Variants in CARD8 observed in about 807,000 individuals in gnomAD.
CARD8 encodes caspase recruitment domain family member 8, also known as caspase recruitment domain-containing protein 8.
In CARD8, 38 loss-of-function variants were observed where a neutral mutation model predicts 53.2. The ratio of observed to expected loss-of-function variants is 0.71; its 90% CI spans 0.55 to 0.94. CARD8 has a LOEUF of 0.94. Among genes scored for constraint, CARD8 ranks in the 40% least tolerant of loss-of-function variants. The pLI is 0.00. For synonymous variants in CARD8, 245 were observed against 244.9 expected, an observed-to-expected ratio of 1.00 and a Z score of 0.00; for missense variants, 561 against 655.5, an observed-to-expected ratio of 0.86 and a Z score of 1.57.
chr19:48,250,459 C>G (rs1007442457), intron 1 of CARD8, among the ~76,000 whole-genome samples: 3 of 152,228 alleles, frequency 2.0e-5, no homozygotes, highest in African/African-American at 4.8e-5. Context: ...AAGACCCCCC[C>G]TCTTCATGGC....
chr19:48,224,313 CT>C (rs2041301095), intron 10 of CARD8, among the ~76,000 whole-genome samples: 1 of 152,102 alleles, frequency 6.6e-6, no homozygotes, highest in African/African-American at 2.4e-5. Flanking sequence ...GATGAAATGG[CT>C]TTTAGTAATG....
At chr19:48,220,772 G>A (rs1266175591) in intron 11 of CARD8, among the ~76,000 whole-genome samples, 2 of 152,000 alleles carry the variant, frequency 1.3e-5, no homozygotes, top group Admixed American at 6.6e-5. Context: ...TCAGCCGGGA[G>A]TGGTGGTGCA....
intron 10 of CARD8, among the ~76,000 whole-genome samples, chr19:48,227,550 A>T (rs1298819615): frequency 6.6e-6 from 1 of 152,088 alleles, no homozygotes; most frequent in Non-Finnish European, 1.5e-5. Flanking sequence ...CATGCTTGTA[A>T]TCCCAACACT....
At chr19:48,220,007 T>G (rs1295511718) in intron 11 of CARD8, among the ~76,000 whole-genome samples, 1 of 152,170 alleles carries the variant, frequency 6.6e-6, no homozygotes, top group Non-Finnish European at 1.5e-5. Context: ...AATTGCCACT[T>G]CTTATCTCAC....
intron 11 of CARD8, among the ~76,000 whole-genome samples, chr19:48,220,970 G>GAAGGAAGGAAGA (rs2040430700): frequency 1.1e-5 from 1 of 89,418 alleles, no homozygotes; most frequent in African/African-American, 4.4e-5. Flanking sequence ...AGGAAGGAAG[G>GAAGGAAGGAAGA]AAGGAAGGAA....
intron 10 of CARD8, among the ~76,000 whole-genome samples, chr19:48,228,637 T>A (rs958414006): frequency 1.3e-5 from 2 of 151,532 alleles, no homozygotes; most frequent in Admixed American, 1.3e-4. Context: ...AAGGGAAAAA[T>A]TGGAAGTATG....
Position 48,230,647 on chromosome 19 carries a change from T to C in CARD8, c.826A>G (p.Met276Val). ...ACCCGGGCTGGATGCTCCAGGACCA[T>C]CCCTTCATTCTTAAAATGGGCAACG... is the stretch of plus-strand genomic sequence containing the variant. ...FLVAHFKNEG[M>V]VLEHPARVEP... The change falls in exon 10 of 14, where the codon ATG (methionine) becomes GTG (valine). Residue 276 changes from methionine to valine, a missense_variant. Transcript: ENST00000651546. The C allele has an allele frequency of 6.2e-7, 1 of 1,613,960 alleles. No individual in the cohort carries two copies. The highest frequency in any genetic ancestry group is 8.5e-7 in the Non-Finnish European group (1 of 1,179,970).
downstream of CARD8, among the ~76,000 whole-genome samples, chr19:48,207,734 G>GGTTTTTTTTTTT (rs1555790115): frequency 8.6e-6 from 1 of 116,552 alleles, no homozygotes; most frequent in African/African-American, 3.7e-5. Context: ...TTGTTTTTCT[G>GGTTTTTTTTTTT]TTTTTTTTTT....
At chr19:48,233,465 C>G (rs1430096476) in intron 6 of CARD8, 2 of 454,408 alleles carry the variant, frequency 4.4e-6, no homozygotes, top group Non-Finnish European at 8.8e-6. Flanking sequence ...ATTCTGTGGG[C>G]AAGCCAAGCA....
downstream of CARD8, chr19:48,203,911 G>A (rs3745715): frequency 0.32 from 89,702 of 279,742 alleles, 15,033 homozygotes; most frequent in East Asian, 0.51. Context: ...ACAACTCCCA[G>A]CCGGCTGAGC....
At chr19:48,219,059 G>A (rs1334997767) in intron 11 of CARD8, 47 bp from the exon 12 acceptor site, 1 of 1,596,602 alleles carries the variant, frequency 6.3e-7, no homozygotes. Context: ...GGGTGGAAAG[G>A]CCCGGCTCCC....
intron 6 of CARD8, chr19:48,234,197 T>C (rs1428555160): frequency 1.3e-5 from 7 of 534,472 alleles, no homozygotes; most frequent in Non-Finnish European, 2.3e-5. Context: ...TTTTTGTGTA[T>C]AGGTTCTCTA....
intron 1 of CARD8, among the ~76,000 whole-genome samples, chr19:48,252,808 T>TATACACACACACACAC (rs113740488): frequency 6.7e-6 from 1 of 148,182 alleles, no homozygotes; most frequent in Non-Finnish European, 1.5e-5. Context: ...TATCAGTATA[T>TATACACACACACACAC]ACACACACAC....
chr19:48,213,938 C>CA (rs1184170326), intron 13 of CARD8, among the ~76,000 whole-genome samples: 1 of 152,182 alleles, frequency 6.6e-6, no homozygotes, highest in Non-Finnish European at 1.5e-5. Flanking sequence ...TTTCAACTGC[C>CA]AGCTCTTGAC....
At chr19:48,223,774 A>G in intron 10 of CARD8, 1 of 452,538 alleles carries the variant, frequency 2.2e-6, no homozygotes. Context: ...TCATATGCAC[A>G]TATATTTTTC....
chr19:48,249,066 G>A (rs566431941), intron 3 of CARD8, among the ~76,000 whole-genome samples: 1 of 151,934 alleles, frequency 6.6e-6, no homozygotes, highest in Non-Finnish European at 1.5e-5. Context: ...GCGTGGTGGC[G>A]GGCGCCTGTC....
At chr19:48,220,906 A>G (rs2040376991) in intron 11 of CARD8, among the ~76,000 whole-genome samples, 1 of 148,586 alleles carries the variant, frequency 6.7e-6, no homozygotes, top group African/African-American at 2.5e-5. Context: ...GCGAGACTCC[A>G]TCAAAAAAGA....
At chr19:48,231,048 G>A (rs1236425241) in intron 8 of CARD8, 42 bp from the exon 9 acceptor site, 1 of 1,532,656 alleles carries the variant, frequency 6.5e-7, no homozygotes, top group Non-Finnish European at 9.0e-7. Flanking sequence ...AGAACCCCAG[G>A]ACTTGGATTT....
At position 48,208,171 on chromosome 19, in the gene CARD8, G is replaced by T. The variant is rs748851333; in HGVS notation, c.*3539C>A. Reference sequence around the variant, plus strand: ...TACATTCTTCAAATGTAACAATTTAGTTCTACTTCAAGATAAGGTATAGAC... The same window carrying T: ...TACATTCTTCAAATGTAACAATTTATTTCTACTTCAAGATAAGGTATAGAC... On this transcript the variant is annotated 3_prime_UTR_variant, in exon 14 of 14. Transcript: ENST00000651546. 6 of 151,864 alleles carry T rather than the reference G, an allele frequency of 4.0e-5. No homozygotes were observed. The highest frequency in any genetic ancestry group is 7.4e-5 in the Non-Finnish European group (5 of 67,980). The allele number at this position is 151,864 out of a possible 1,614,324, so 9.4% of individuals were successfully genotyped here.
Sources: gnomAD v4.1 joint callset for allele counts (sites outside exome capture counted in the v4.1 genomes callset) on GRCh38, gnomAD v4.1.1 for gene constraint, MANE v1.5 for transcripts, NCBI Gene and HGNC (gene_info 2026-07-23, HGNC 2026-07-21) for gene names.